Variants in MAPT observed in about 807,000 individuals in gnomAD.
MAPT encodes microtubule-associated protein tau.
In MAPT, 34 loss-of-function variants were observed where a neutral mutation model predicts 67.9. The ratio of observed to expected loss-of-function variants is 0.50; its 90% CI spans 0.38 to 0.67. MAPT has a LOEUF of 0.67. Ranked by LOEUF, MAPT falls within the 30% of genes least tolerant of loss-of-function variation. MAPT has a pLI of 0.00. For synonymous variants in MAPT, 456 were observed against 464.5 expected (o/e 0.98, Z 0.23); for missense variants, 881 against 1,115.2 (o/e 0.79, Z 2.99).
At chr17:46,011,463 C>T (rs915674425) in intron 10 of MAPT, among the ~76,000 whole-genome samples, 5 of 152,112 alleles carry the variant, frequency 3.3e-5, no homozygotes, top group Admixed American at 6.6e-5. Flanking sequence ...CCGGGGACTC[C>T]GTGCATCTTC....
chr17:45,917,591 A>G (rs1450632923), intron 1 of MAPT, among the ~76,000 whole-genome samples: 1 of 152,158 alleles, frequency 6.6e-6, no homozygotes, highest in Non-Finnish European at 1.5e-5. Context: ...TCAGTATGCT[A>G]AATAACAGAA....
At position 45,949,916 on chromosome 17, in the gene MAPT, T is replaced by A. The variant is rs1337836256; in HGVS notation, c.-17-12405T>A. ...AAACCTACAGACCTGCTAGACAGAC[T>A]AGGAGCAAAAGCTGGGGCTTTAAGA... On this transcript the variant is annotated intron_variant, in intron 1 of 12. Coordinates refer to ENST00000262410, the MANE Select transcript of MAPT (RefSeq NM_001377265.1). Among the ~76,000 whole-genome samples the A allele has an allele frequency of 2.0e-5, 3 of 152,316 alleles. No homozygotes were observed. In the East Asian group the frequency reaches 5.8e-4, roughly 29 times the overall value.
intron 1 of MAPT, among the ~76,000 whole-genome samples, chr17:45,923,400 C>T (rs2065948202): frequency 6.6e-6 from 1 of 152,158 alleles, no homozygotes; most frequent in Non-Finnish European, 1.5e-5. Flanking sequence ...ACTCCTAACT[C>T]AAGGGCATGA....
chr17:45,978,488 G>GGGGGTGGC, intron 4 of MAPT, 48 bp downstream of exon 4: 6 of 914,058 alleles, frequency 6.6e-6, no homozygotes, highest in Non-Finnish European at 1.1e-5. Flanking sequence ...TGGGGGGAGG[G>GGGGGTGGC]ACATGGGGTG....
chr17:46,006,880 G>A lies in MAPT; in HGVS notation c.1999-3430G>A, dbSNP rs190860091. On this transcript the variant is annotated intron_variant, in intron 9 of 12. Transcript: ENST00000262410. ...GGAGCTTGCAGTGAGCCGAGATCGC[G>A]CCACTGCACTCCAGCCTGGGCGACA... is the stretch of plus-strand genomic sequence containing the variant. 9.7e-3 allele frequency among the ~76,000 whole-genome samples: 1,470 copies of A among 151,212 alleles called. 18 individuals carry two copies. Among genetic ancestry groups the A allele is most frequent in the African/African-American group, 0.034 (1,382 of 41,152 alleles).
At chr17:45,997,839 T>A (rs1219489287) in intron 9 of MAPT, among the ~76,000 whole-genome samples, 1 of 151,794 alleles carries the variant, frequency 6.6e-6, no homozygotes, top group Non-Finnish European at 1.5e-5. Flanking sequence ...CTTAGTCACC[T>A]CTCTAAAGGC....
chr17:45,958,013 C>T (rs1374662137), intron 1 of MAPT, among the ~76,000 whole-genome samples: 2 of 152,134 alleles, frequency 1.3e-5, no homozygotes, highest in African/African-American at 4.8e-5. Flanking sequence ...ATAAGCAGGA[C>T]AGAGTGCATG....
intron 2 of MAPT, among the ~76,000 whole-genome samples, chr17:45,967,385 G>C (rs1419455892): frequency 6.6e-6 from 1 of 152,204 alleles, no homozygotes; most frequent in East Asian, 1.9e-4. Context: ...TGCCCATATA[G>C]ATGTCCCTGT....
chr17:45,920,860 A>G (rs1279822603), intron 1 of MAPT, among the ~76,000 whole-genome samples: 21 of 152,324 alleles, frequency 1.4e-4, no homozygotes, highest in Admixed American at 1.1e-3. Flanking sequence ...AACTCACGGC[A>G]TGGAACCTTC....
intron 1 of MAPT, among the ~76,000 whole-genome samples, chr17:45,953,702 G>A (rs1212506237): frequency 2.0e-5 from 3 of 152,244 alleles, no homozygotes; most frequent in Non-Finnish European, 2.9e-5. Context: ...GGAGGGGGAG[G>A]GGAAGGAGGG....
intron 8 of MAPT, among the ~76,000 whole-genome samples, chr17:45,992,607 G>C (rs1373306736): frequency 6.6e-6 from 1 of 152,108 alleles, no homozygotes; most frequent in Non-Finnish European, 1.5e-5. Context: ...GAACAGTCGC[G>C]GCTGGGCGTG....
intron 9 of MAPT, among the ~76,000 whole-genome samples, chr17:46,006,519 C>T (rs1598365251): frequency 6.6e-6 from 1 of 152,146 alleles, no homozygotes; most frequent in South Asian, 2.1e-4. Flanking sequence ...TTGGATAGCA[C>T]AGCAGGGTGA....
chr17:45,955,075 A>G (rs938697079), intron 1 of MAPT, among the ~76,000 whole-genome samples: 1 of 152,246 alleles, frequency 6.6e-6, no homozygotes, highest in Non-Finnish European at 1.5e-5. Flanking sequence ...ATTAAGTCAA[A>G]TGAGTCACCA....
intron 9 of MAPT, among the ~76,000 whole-genome samples, chr17:46,009,359 A>ACAGCCCCCCCTTGCAGGGACAGAGCCC (rs1443202746): frequency 6.1e-5 from 9 of 147,680 alleles, no homozygotes; most frequent in African/African-American, 9.7e-5. Flanking sequence ...TTTCTATTTC[A>ACAGCCCCCCCTTGCAGGGACAGAGCCC]TAGTTCTTAG....
At chr17:45,980,020 C>T (rs188335444) in intron 4 of MAPT, 9 of 152,254 alleles carry the variant, frequency 5.9e-5, no homozygotes, top group East Asian at 1.9e-4. Context: ...GGCCTGTATA[C>T]GAGGGGTGGA....
At chr17:45,909,869 C>CAAAAAAAAA (rs59131080) in intron 1 of MAPT, among the ~76,000 whole-genome samples, 3 of 59,856 alleles carry the variant, frequency 5.0e-5, no homozygotes, top group Non-Finnish European at 9.1e-5. Context: ...GACTCTGTCT[C>CAAAAAAAAA]AAAAAAAAAA....
intron 5 of MAPT, among the ~76,000 whole-genome samples, chr17:45,984,907 A>G (rs1488808711): frequency 2.0e-5 from 3 of 152,236 alleles, no homozygotes; most frequent in Non-Finnish European, 2.9e-5. Flanking sequence ...GAGCCCAGAA[A>G]TGGATGTTAC....
intron 8 of MAPT, among the ~76,000 whole-genome samples, chr17:45,994,530 ACATGGAAATCCGCAGGG>A (rs1424899206): frequency 2.0e-5 from 3 of 152,172 alleles, no homozygotes; most frequent in African/African-American, 7.2e-5. Flanking sequence ...AACATCCAAG[ACATGGAAATCCGCAGGG>A]CACGGTGGCT....
At chr17:45,968,157 C>A (rs1444589577) in intron 2 of MAPT, among the ~76,000 whole-genome samples, 3 of 152,024 alleles carry the variant, frequency 2.0e-5, no homozygotes, top group Non-Finnish European at 4.4e-5. Context: ...AGCCAGTGAA[C>A]TGACAATGAT....
Sources: gnomAD v4.1 joint callset for allele counts (sites outside exome capture counted in the v4.1 genomes callset) on GRCh38, gnomAD v4.1.1 for gene constraint, MANE v1.5 for transcripts, NCBI Gene and HGNC (gene_info 2026-07-23, HGNC 2026-07-21) for gene names.